MSRA: variants seen among roughly 807,000 people sequenced by gnomAD.
MSRA encodes the protein methionine sulfoxide reductase A.
Under a neutral mutation model 31.3 loss-of-function variants are expected in MSRA, and 54 were observed. The observed-to-expected ratio is 1.73, with a 90% CI of 1.39 to 2.17. The LOEUF (loss-of-function observed/expected upper bound fraction) is 2.17. Ranked by LOEUF, MSRA falls within the 30% of genes most tolerant of loss-of-function variation. The pLI, the probability that MSRA is intolerant of heterozygous loss-of-function variation, is 0.00. For missense variants in MSRA, 507 were observed against 300.9 expected (o/e 1.69, Z -5.07); for synonymous variants, 169 against 116.5 (o/e 1.45, Z -2.90).
chr8:10,168,601 C>G (rs748442024), intron 1 of MSRA, among the ~76,000 whole-genome samples: 25 of 152,194 alleles, frequency 1.6e-4, no homozygotes, highest in Non-Finnish European at 3.4e-4. Context: ...GAGTTGTAGT[C>G]TATTTTACAG....
In MSRA at chr8:10,151,081, G is replaced by A. The variant is rs371276679; in HGVS notation, c.143-56752G>A. Among the ~76,000 whole-genome samples, 74 of 151,792 alleles carry A rather than the reference G, an allele frequency of 4.9e-4. 1 individual carries two copies. In the South Asian group the frequency reaches 0.012, roughly 24 times the overall value. On this transcript the variant is annotated intron_variant, in intron 1 of 5. Coordinates refer to ENST00000317173, the MANE Select transcript of MSRA (RefSeq NM_012331.5). ...CATACCCTCTATCTAGTTGGGATCC[G>A]TAAAGGAGGAGGTTAGGGGAGGGAG...
At chr8:10,079,944 T>A (rs1054227591) in intron 1 of MSRA, among the ~76,000 whole-genome samples, 15 of 152,220 alleles carry the variant, frequency 9.9e-5, no homozygotes, top group African/African-American at 2.7e-4. Context: ...GGCTCTTTTT[T>A]CCTCCTGACC....
intron 1 of MSRA, among the ~76,000 whole-genome samples, chr8:10,119,798 A>T (rs1800973430): frequency 6.6e-6 from 1 of 152,158 alleles, no homozygotes; most frequent in South Asian, 2.1e-4. Context: ...GTACAAAGGG[A>T]CTACCTTGGT....
chr8:10,209,386 G>A (rs987917826), intron 2 of MSRA, among the ~76,000 whole-genome samples: 7 of 152,126 alleles, frequency 4.6e-5, no homozygotes, highest in Non-Finnish European at 8.8e-5. Flanking sequence ...ATTATTAGTG[G>A]GTTTCCCTCT....
intron 1 of MSRA, among the ~76,000 whole-genome samples, chr8:10,091,341 A>G (rs1002075357): frequency 2.6e-5 from 4 of 152,262 alleles, no homozygotes; most frequent in African/African-American, 9.6e-5. Context: ...TAGAATAGCT[A>G]AATCAAGCTA....
chr8:10,199,885 G>A (rs1808346499), intron 1 of MSRA, among the ~76,000 whole-genome samples: 1 of 152,118 alleles, frequency 6.6e-6, no homozygotes, highest in Non-Finnish European at 1.5e-5. Flanking sequence ...ACTAACTCCT[G>A]GCACTTATCA....
chr8:10,304,365 C>T (rs947854763), intron 4 of MSRA, among the ~76,000 whole-genome samples: 9 of 152,174 alleles, frequency 5.9e-5, no homozygotes, highest in African/African-American at 9.7e-5. Flanking sequence ...ATCAAGTGAG[C>T]ATACAGATAA....
intron 2 of MSRA, among the ~76,000 whole-genome samples, chr8:10,227,372 C>T (rs1260775543): frequency 1.3e-5 from 2 of 152,076 alleles, no homozygotes; most frequent in Admixed American, 6.6e-5. Flanking sequence ...CTCATTAGAT[C>T]TGTGAAGGGG....
intron 1 of MSRA, among the ~76,000 whole-genome samples, chr8:10,124,425 T>C (rs1474898079): frequency 6.6e-6 from 1 of 152,210 alleles, no homozygotes; most frequent in African/African-American, 2.4e-5. Context: ...AGCACAAAAT[T>C]TGTGCTTTTG....
intron 5 of MSRA, among the ~76,000 whole-genome samples, chr8:10,370,002 T>C (rs1207271862): frequency 6.6e-6 from 1 of 152,250 alleles, no homozygotes; most frequent in Non-Finnish European, 1.5e-5. Context: ...GTTCTGTTCA[T>C]ATTGAAGAAG....
In MSRA at chr8:10,054,546, G is replaced by C. The variant is rs763732401; in HGVS notation, c.30G>C (p.Gln10His). Reference sequence around the variant, plus strand: ...TCTCGGCCACCCGGAGGGCTTGCCAGCTCCTCCTCCTCCACAGCCTCTTTC... The same window carrying C: ...TCTCGGCCACCCGGAGGGCTTGCCACCTCCTCCTCCTCCACAGCCTCTTTC... MLSATRRACQLLLLHSLFPV... is the reference protein window; with the variant it reads MLSATRRACHLLLLHSLFPV... The change falls in exon 1 of 6, where the codon CAG becomes CAC. Residue 10 changes from glutamine to histidine, a missense_variant. Physicochemically the swap from Gln to His is conservative, Grantham distance 24 (BLOSUM62 0). Coordinates refer to ENST00000317173, the MANE Select transcript of MSRA (RefSeq NM_012331.5). The C allele has an allele frequency of 6.3e-7, 1 of 1,586,712 alleles. No individual in the cohort carries two copies. Among genetic ancestry groups the C allele is most frequent in the Non-Finnish European group, 8.6e-7 (1 of 1,167,006 alleles).
At chr8:10,122,311 C>G (rs1801182574) in intron 1 of MSRA, among the ~76,000 whole-genome samples, 1 of 152,188 alleles carries the variant, frequency 6.6e-6, no homozygotes, top group Non-Finnish European at 1.5e-5. Flanking sequence ...GCGGGAGCAC[C>G]CGCCTGGAGA....
chr8:10,337,833 G>A (rs1218072521), intron 5 of MSRA: 1 of 702,260 alleles, frequency 1.4e-6, no homozygotes. Context: ...ATGCAGCAAG[G>A]TGCCTTCTTT....
At chr8:10,138,541 T>A (rs1240009669) in intron 1 of MSRA, among the ~76,000 whole-genome samples, 1 of 152,190 alleles carries the variant, frequency 6.6e-6, no homozygotes, top group Non-Finnish European at 1.5e-5. Flanking sequence ...CTCAAATATG[T>A]CAGTCTTTTC....
At chr8:10,222,619 C>T (rs769547279) in intron 2 of MSRA, among the ~76,000 whole-genome samples, 1 of 152,082 alleles carries the variant, frequency 6.6e-6, no homozygotes, top group Non-Finnish European at 1.5e-5. Context: ...GGATTAAAAC[C>T]TGCGGTATAT....
At chr8:10,425,873 A>G (rs1175543693) in intron 5 of MSRA, among the ~76,000 whole-genome samples, 1 of 152,192 alleles carries the variant, frequency 6.6e-6, no homozygotes, top group African/African-American at 2.4e-5. Flanking sequence ...GAGATGACAG[A>G]TTATTTTACA....
rs578140063 is a variant in MSRA, at chr8:10,279,301, G to C, written c.332-22233G>C. 1.1e-4 allele frequency among the ~76,000 whole-genome samples: 16 copies of C among 152,310 alleles called. No homozygotes were observed. The South Asian group carries it at 3.1e-3, about 30-fold the overall frequency. ...TTAATACAGAGTAGCTGACTCTCCA[G>C]ACATATGTAATGGGTGAAAATAGGG... On this transcript the variant is annotated intron_variant, in intron 3 of 5. Transcript: ENST00000317173.
chr8:10,366,620 C>T (rs142953988), intron 5 of MSRA, among the ~76,000 whole-genome samples: 2 of 152,280 alleles, frequency 1.3e-5, no homozygotes, highest in East Asian at 3.9e-4. Flanking sequence ...TCTCTCACCC[C>T]CAGCACCATC....
At chr8:10,335,649 C>T (rs1387713728) in intron 5 of MSRA, among the ~76,000 whole-genome samples, 3 of 152,126 alleles carry the variant, frequency 2.0e-5, no homozygotes, top group Non-Finnish European at 2.9e-5. Context: ...CTCGGGCTCT[C>T]TTCGGCTGGC....
Sources: gnomAD v4.1 joint callset for allele counts (sites outside exome capture counted in the v4.1 genomes callset) on GRCh38, gnomAD v4.1.1 for gene constraint, MANE v1.5 for transcripts, NCBI Gene and HGNC (gene_info 2026-07-23, HGNC 2026-07-21) for gene names.